The following ZDHHC17 variants were observed in gnomAD, a reference collection of about 807,000 sequenced individuals.
ZDHHC17 encodes the protein palmitoyltransferase ZDHHC17.
A neutral mutation model predicts 90.3 loss-of-function variants in ZDHHC17; 40 were observed. The ratio of observed to expected loss-of-function variants is 0.44; its 90% CI spans 0.34 to 0.58. ZDHHC17 has a LOEUF of 0.58. Ranked by LOEUF, ZDHHC17 falls within the 20% of genes least tolerant of loss-of-function variation. The probability of loss-of-function intolerance (pLI) is 0.01; values close to 1 mark genes in which losing one functional copy is unlikely to be tolerated. For synonymous variants in ZDHHC17, 235 were observed against 252.4 expected, an observed-to-expected ratio of 0.93 and a Z score of 0.65; for missense variants, 614 against 780.8, an observed-to-expected ratio of 0.79 and a Z score of 2.55.
At chr12:76,787,702 T>C (rs889209535) in intron 1 of ZDHHC17, among the ~76,000 whole-genome samples, 6 of 152,116 alleles carry the variant, frequency 3.9e-5, no homozygotes, top group African/African-American at 1.2e-4. Flanking sequence ...TATTCAAAGG[T>C]ATCTAAAATC....
At chr12:76,828,701 AG>A (rs958082583) in intron 10 of ZDHHC17, among the ~76,000 whole-genome samples, 26 of 152,326 alleles carry the variant, frequency 1.7e-4, no homozygotes, top group African/African-American at 6.0e-4. Context: ...TATAAATAAT[AG>A]TAGCTATCAT....
intron 1 of ZDHHC17, among the ~76,000 whole-genome samples, chr12:76,785,368 T>C (rs2137728911): frequency 6.6e-6 from 1 of 152,290 alleles, no homozygotes; most frequent in Non-Finnish European, 1.5e-5. Flanking sequence ...TTTTGCAAAC[T>C]TTTTGAAGTC....
At chr12:76,841,878 T>G (rs1296533942) in intron 10 of ZDHHC17, 104 bp from the exon 11 acceptor site, 2 of 848,470 alleles carry the variant, frequency 2.4e-6, no homozygotes, top group African/African-American at 3.5e-5. Flanking sequence ...ACAGTTTGTA[T>G]TTTTTTGACT....
chr12:76,821,793 C>T (rs1953165112), intron 7 of ZDHHC17, among the ~76,000 whole-genome samples: 1 of 152,020 alleles, frequency 6.6e-6, no homozygotes, highest in East Asian at 1.9e-4. Flanking sequence ...CATGTAAATT[C>T]CCTGGCATTC....
At chr12:76,778,456 C>T (rs1249612392) in intron 1 of ZDHHC17, among the ~76,000 whole-genome samples, 1 of 152,146 alleles carries the variant, frequency 6.6e-6, no homozygotes, top group Non-Finnish European at 1.5e-5. Flanking sequence ...CTCATGACCT[C>T]AGGTGATCTG....
intron 1 of ZDHHC17, among the ~76,000 whole-genome samples, chr12:76,774,270 A>G (rs1476307371): frequency 1.9e-5 from 2 of 106,642 alleles, no homozygotes; most frequent in African/African-American, 3.0e-5. Flanking sequence ...ATGTGTGTGT[A>G]TGTGTATGTG....
At chr12:76,790,487 G>A (rs1246958924) in intron 1 of ZDHHC17, among the ~76,000 whole-genome samples, 1 of 152,170 alleles carries the variant, frequency 6.6e-6, no homozygotes, top group Non-Finnish European at 1.5e-5. Context: ...GGGTGACAGA[G>A]CGAGACTCTG....
Position 76,809,626 on chromosome 12 carries a change from A to G in ZDHHC17, c.399-87A>G, listed in dbSNP as rs141299632. The G allele has an allele frequency of 5.7e-5, 64 of 1,113,576 alleles. 1 individual carries two copies. The East Asian group carries it at 1.6e-3, about 28-fold the overall frequency. The allele number at this position is 1,113,576 out of a possible 1,614,324, so 69.0% of individuals were successfully genotyped here. On this transcript the variant is annotated intron_variant, in intron 4 of 16. Coordinates refer to ENST00000426126, the MANE Select transcript of ZDHHC17 (RefSeq NM_015336.4). ...TTCAAAATACATACGTAATCTTCCCACCATACCTTACTTGAAAAAGCTCTT... is the reference window on the plus strand; with the variant it reads ...TTCAAAATACATACGTAATCTTCCCGCCATACCTTACTTGAAAAAGCTCTT...
intron 1 of ZDHHC17, among the ~76,000 whole-genome samples, chr12:76,771,652 A>G (rs1952493813): frequency 6.6e-6 from 1 of 152,300 alleles, no homozygotes; most frequent in East Asian, 1.9e-4. Context: ...GTTTTTAAGA[A>G]TAATTTTTCA....
At chr12:76,847,926 T>A (rs1352566207) in intron 14 of ZDHHC17, among the ~76,000 whole-genome samples, 1 of 152,150 alleles carries the variant, frequency 6.6e-6, no homozygotes, top group Non-Finnish European at 1.5e-5. Context: ...CTTTCATATA[T>A]CCTCTCATCT....
chr12:76,769,120 G>A (rs1307882011), intron 1 of ZDHHC17: 4 of 406,854 alleles, frequency 9.8e-6, no homozygotes, highest in Non-Finnish European at 2.0e-5. Context: ...GTGCAATGAC[G>A]TGATCTCGGC....
intron 14 of ZDHHC17, among the ~76,000 whole-genome samples, chr12:76,847,314 C>T (rs746883442): frequency 5.3e-5 from 8 of 152,144 alleles, no homozygotes; most frequent in Non-Finnish European, 1.0e-4. Context: ...ATTAGATCCT[C>T]GTTTAAATAC....
intron 10 of ZDHHC17, among the ~76,000 whole-genome samples, chr12:76,839,292 T>G (rs1325259009): frequency 6.6e-6 from 1 of 152,228 alleles, no homozygotes; most frequent in Non-Finnish European, 1.5e-5. Context: ...TTCATACTGC[T>G]AGTACAGGTA....
At chr12:76,775,462 C>T (rs916609624) in intron 1 of ZDHHC17, among the ~76,000 whole-genome samples, 1 of 152,012 alleles carries the variant, frequency 6.6e-6, no homozygotes, top group African/African-American at 2.4e-5. Flanking sequence ...TTTAGCAATA[C>T]AGTAACTGAT....
chr12:76,832,079 C>A (rs537396960), intron 10 of ZDHHC17, among the ~76,000 whole-genome samples: 1 of 152,130 alleles, frequency 6.6e-6, no homozygotes, highest in Non-Finnish European at 1.5e-5. Flanking sequence ...ATCTCTAGGC[C>A]CTCTACGATT....
At chr12:76,845,020 A>G (rs1322627271) in intron 12 of ZDHHC17, 12 of 136,612 alleles carry the variant, frequency 8.8e-5, no homozygotes, top group Admixed American at 8.8e-4. Context: ...TTGCCTGTCA[A>G]TAGCTGAATA....
intron 7 of ZDHHC17, 77 bp from the exon 8 acceptor site, chr12:76,822,328 TA>T: frequency 6.5e-6 from 10 of 1,543,516 alleles, no homozygotes; most frequent in Non-Finnish European, 8.8e-6. Context: ...AATTAATTTT[TA>T]TAGAAGTTCT....
intron 10 of ZDHHC17, among the ~76,000 whole-genome samples, chr12:76,834,737 T>G (rs1953343926): frequency 6.6e-6 from 1 of 152,202 alleles, no homozygotes. Context: ...TAAATGAAGA[T>G]GGATGTGAGG....
At position 76,764,327 on chromosome 12, in the gene ZDHHC17, G is replaced by C. The variant is rs1277336285; in HGVS notation, c.91G>C (p.Glu31Gln). Residue 31 changes from glutamate (E) to glutamine (Q), a missense_variant and splice_region_variant, in exon 1 of 17, where the codon GAG becomes CAG. Physicochemically the swap from Glu to Gln is conservative, Grantham distance 29. Coordinates refer to ENST00000426126, the MANE Select transcript of ZDHHC17 (RefSeq NM_015336.4). ...GGGCTGTGTGCCCCTTCTCCACCCA[G>C]AGGTGAGGAACCGTGCTGAGTGGAT... ...EAGCVPLLHP[E>Q]EIKPQSHYNH... 6.3e-7 allele frequency: 1 copy of C among 1,597,368 alleles called. No individual in the cohort carries two copies. Among genetic ancestry groups the C allele is most frequent in the Non-Finnish European group, 8.5e-7 (1 of 1,171,846 alleles).
Sources: allele counts gnomAD v4.1 joint callset (sites outside exome capture counted in the v4.1 genomes callset), GRCh38; gene constraint gnomAD v4.1.1; transcripts MANE v1.5; gene names NCBI Gene and HGNC (gene_info 2026-07-23, HGNC 2026-07-21).